SNX18: variants seen among roughly 807,000 people sequenced by gnomAD.
SNX18 encodes sorting nexin 18, also known as sorting nexin-18.
A neutral mutation model predicts 48.7 loss-of-function variants in SNX18; 35 were observed. That is an observed-to-expected ratio of 0.72 (90% confidence interval 0.55 to 0.95). The LOEUF is 0.95. Ranked by LOEUF, SNX18 falls within the 40% of genes least tolerant of loss-of-function variation. SNX18 has a pLI of 0.00. For synonymous variants in SNX18, 492 were observed against 384.7 expected, an observed-to-expected ratio of 1.28 and a Z score of -3.26; for missense variants, 824 against 871.0, an observed-to-expected ratio of 0.95 and a Z score of 0.68.
chr5:54,620,787 G>T, the SNX18 span, among the ~76,000 whole-genome samples: 1 of 152,158 alleles, frequency 6.6e-6, no homozygotes, highest in Non-Finnish European at 1.5e-5. Flanking sequence ...TGGCCAACTT[G>T]GTTTCTTGGG....
downstream of SNX18, among the ~76,000 whole-genome samples, chr5:54,549,215 G>C (rs1762617474): frequency 6.6e-6 from 1 of 152,174 alleles, no homozygotes; most frequent in Non-Finnish European, 1.5e-5. Context: ...TGACAGGAGG[G>C]ATAGAGTAAA....
chr5:54,587,435 G>A, the SNX18 span, among the ~76,000 whole-genome samples: 1 of 152,066 alleles, frequency 6.6e-6, no homozygotes, highest in Non-Finnish European at 1.5e-5. Context: ...CTGGAAAAGA[G>A]AATTGCTCTT....
At chr5:54,556,616 T>G in the SNX18 span, among the ~76,000 whole-genome samples, 3 of 152,346 alleles carry the variant, frequency 2.0e-5, no homozygotes, top group African/African-American at 4.8e-5. Context: ...ACATAGCCTA[T>G]TCACAGATTC....
chr5:54,624,091 A>G, the SNX18 span, among the ~76,000 whole-genome samples: 2 of 152,256 alleles, frequency 1.3e-5, no homozygotes, highest in Admixed American at 1.3e-4. Flanking sequence ...CTGAAAGCAC[A>G]TACTGACTGA....
At chr5:54,565,819 T>A in the SNX18 span, among the ~76,000 whole-genome samples, 1 of 152,204 alleles carries the variant, frequency 6.6e-6, no homozygotes, top group Non-Finnish European at 1.5e-5. Flanking sequence ...TTCAACTTTA[T>A]ACAATTCAAC....
the SNX18 span, among the ~76,000 whole-genome samples, chr5:54,580,495 T>G: frequency 6.6e-6 from 1 of 152,246 alleles, no homozygotes; most frequent in African/African-American, 2.4e-5. Flanking sequence ...TAAGTTACTT[T>G]ATTCATTCAG....
chr5:54,571,283 C>T, the SNX18 span, among the ~76,000 whole-genome samples: 1 of 152,286 alleles, frequency 6.6e-6, no homozygotes, highest in East Asian at 1.9e-4. Context: ...CGAGGCTGTC[C>T]ACTCTGTAAA....
chr5:54,567,263 C>T, the SNX18 span, among the ~76,000 whole-genome samples: 3 of 151,698 alleles, frequency 2.0e-5, no homozygotes, highest in Admixed American at 6.6e-5. Context: ...ATGATGTCCC[C>T]AGTATGTCAT....
the SNX18 span, among the ~76,000 whole-genome samples, chr5:54,581,988 G>T: frequency 3.9e-5 from 6 of 152,298 alleles, no homozygotes; most frequent in African/African-American, 1.4e-4. Context: ...TCAGCCCTTT[G>T]CAGAGTTTCA....
the SNX18 span, among the ~76,000 whole-genome samples, chr5:54,578,142 C>T: frequency 1.3e-5 from 2 of 152,180 alleles, no homozygotes; most frequent in South Asian, 4.1e-4. Context: ...TCCATGAACA[C>T]AACTCTTCAG....
rs1762569637 is a variant in SNX18, at chr5:54,545,876, T to C, written c.*2444T>C. The C allele has an allele frequency of 6.6e-6, 1 of 152,164 alleles. No homozygotes were observed. The highest frequency in any genetic ancestry group is 2.4e-5 in the African/African-American group (1 of 41,392). 9.4% of individuals were successfully genotyped at this position (152,164 alleles called of 1,614,324 possible). On this transcript the variant is annotated 3_prime_UTR_variant, in exon 2 of 2. Coordinates refer to ENST00000381410, the MANE Select transcript of SNX18 (RefSeq NM_001102575.2). ...ACTATCATGCCCTTCATGCCATTAT[T>C]TGTCTTTATTTCTATGATTTATAAT...
At chr5:54,647,290 A>C in the SNX18 span, among the ~76,000 whole-genome samples, 1 of 152,224 alleles carries the variant, frequency 6.6e-6, no homozygotes, top group African/African-American at 2.4e-5. Context: ...CTGGGCTATA[A>C]ATTCAAATCT....
the SNX18 span, among the ~76,000 whole-genome samples, chr5:54,634,452 C>T: frequency 6.6e-6 from 1 of 152,162 alleles, no homozygotes; most frequent in Admixed American, 6.5e-5. Flanking sequence ...CGGGCTGCTG[C>T]ATGCAGCCCA....
chr5:54,563,697 C>T, the SNX18 span, among the ~76,000 whole-genome samples: 1 of 152,162 alleles, frequency 6.6e-6, no homozygotes, highest in Non-Finnish European at 1.5e-5. Flanking sequence ...GTAGTTGTGA[C>T]TCTGGCAGTC....
At chr5:54,634,018 T>C in the SNX18 span, among the ~76,000 whole-genome samples, 2 of 152,232 alleles carry the variant, frequency 1.3e-5, no homozygotes, top group East Asian at 1.9e-4. Flanking sequence ...TAATTTCATT[T>C]TGACCCCAAA....
the SNX18 span, among the ~76,000 whole-genome samples, chr5:54,604,049 G>T: frequency 1.4e-4 from 22 of 152,268 alleles, no homozygotes; most frequent in African/African-American, 5.3e-4. Flanking sequence ...ATTGTTCAAG[G>T]TACTGGAGAT....
the SNX18 span, among the ~76,000 whole-genome samples, chr5:54,632,703 A>T: frequency 2.6e-5 from 4 of 152,086 alleles, no homozygotes; most frequent in Non-Finnish European, 4.4e-5. Context: ...ATTTCTTCAC[A>T]CACACACTCT....
chr5:54,638,350 G>A, the SNX18 span, among the ~76,000 whole-genome samples: 13 of 152,162 alleles, frequency 8.5e-5, no homozygotes, highest in African/African-American at 2.4e-4. Context: ...TATCCTGAGC[G>A]TATGCTATGT....
chr5:54,532,518 T>A (rs1762268521), intron 1 of SNX18, among the ~76,000 whole-genome samples: 1 of 152,150 alleles, frequency 6.6e-6, no homozygotes, highest in South Asian at 2.1e-4. Context: ...CTTATTTTAT[T>A]AAGATTCTGT....
Sources: allele counts gnomAD v4.1 joint callset (sites outside exome capture counted in the v4.1 genomes callset), GRCh38; gene constraint gnomAD v4.1.1; transcripts MANE v1.5; gene names NCBI Gene and HGNC (gene_info 2026-07-23, HGNC 2026-07-21).